Variants in TASP1 observed in about 807,000 individuals in gnomAD.
The protein encoded by TASP1 is taspase 1.
In TASP1, 16 loss-of-function variants were observed where a neutral mutation model predicts 56.6. That is an observed-to-expected ratio of 0.28 (90% CI 0.19 to 0.43). The LOEUF (loss-of-function observed/expected upper bound fraction) is 0.43. TASP1 is among the 20% of genes least tolerant of loss of function. TASP1 has a pLI of 1.00. For missense variants in TASP1, 393 were observed against 511.6 expected (o/e 0.77, Z 2.24); for synonymous variants, 179 against 184.2 (o/e 0.97, Z 0.23).
intron 1 of TASP1, among the ~76,000 whole-genome samples, chr20:13,633,721 C>T (rs2049184207): frequency 6.6e-6 from 1 of 151,648 alleles, no homozygotes; most frequent in South Asian, 2.1e-4. Flanking sequence ...TAAGTCAATA[C>T]ATAGATCCAC....
chr20:13,376,979 G>C, the TASP1 span, among the ~76,000 whole-genome samples: 1 of 152,300 alleles, frequency 6.6e-6, no homozygotes. Flanking sequence ...TTTGGGCTGA[G>C]ACAATGGGGT....
At chr20:13,204,528 C>CATATATATAAATATATAT in the TASP1 span, among the ~76,000 whole-genome samples, 1 of 145,286 alleles carries the variant, frequency 6.9e-6, no homozygotes, top group Admixed American at 6.9e-5. Flanking sequence ...TTTATATATT[C>CATATATATAAATATATAT]ATATATATAT....
At chr20:13,443,465 T>C (rs138038343) in intron 11 of TASP1, among the ~76,000 whole-genome samples, 1 of 152,174 alleles carries the variant, frequency 6.6e-6, no homozygotes, top group East Asian at 1.9e-4. Flanking sequence ...AGTGGATTAG[T>C]AAAGAAGTAA....
chr20:13,398,219 CA>C (rs2041615094), intron 13 of TASP1, among the ~76,000 whole-genome samples: 1 of 152,122 alleles, frequency 6.6e-6, no homozygotes, highest in Non-Finnish European at 1.5e-5. Context: ...AAACCACCAA[CA>C]ACTGATTTGA....
chr20:13,392,820 T>C (rs1257414021), intron 13 of TASP1: 1 of 644,638 alleles, frequency 1.6e-6, no homozygotes, highest in Non-Finnish European at 2.9e-6. Flanking sequence ...TGTTCCCATA[T>C]GATTCCACCC....
chr20:13,129,564 A>G, the TASP1 span, among the ~76,000 whole-genome samples: 1 of 152,232 alleles, frequency 6.6e-6, no homozygotes, highest in African/African-American at 2.4e-5. Flanking sequence ...ACTAGGAAAA[A>G]GTTATTCTAG....
chr20:13,479,082 G>A (rs1374774607), intron 11 of TASP1, among the ~76,000 whole-genome samples: 1 of 152,004 alleles, frequency 6.6e-6, no homozygotes, highest in Admixed American at 6.6e-5. Flanking sequence ...GAAAGAAAAG[G>A]GAGGATGGCA....
chr20:13,210,036 C>T, the TASP1 span, among the ~76,000 whole-genome samples: 2 of 152,324 alleles, frequency 1.3e-5, no homozygotes, highest in Admixed American at 6.5e-5. Context: ...ATGCCGAACT[C>T]TCATCACCTT....
At chr20:13,346,667 A>C in the TASP1 span, among the ~76,000 whole-genome samples, 1 of 152,230 alleles carries the variant, frequency 6.6e-6, no homozygotes. Flanking sequence ...ACTCAACATT[A>C]GTGCTGGAGG....
the TASP1 span, among the ~76,000 whole-genome samples, chr20:13,228,251 G>C: frequency 2.6e-5 from 4 of 151,944 alleles, no homozygotes. Context: ...GGGATTACAG[G>C]TGTGAGCCAC....
chr20:13,141,234 T>C, the TASP1 span, among the ~76,000 whole-genome samples: 1 of 152,356 alleles, frequency 6.6e-6, no homozygotes, highest in East Asian at 1.9e-4. Context: ...CAGTGCAAAC[T>C]GTTGGGAGCT....
chr20:13,597,652 A>G (rs1262382435), intron 4 of TASP1, among the ~76,000 whole-genome samples: 1 of 152,188 alleles, frequency 6.6e-6, no homozygotes, highest in African/African-American at 2.4e-5. Context: ...CAGCACTCCT[A>G]TTCAACATAG....
the TASP1 span, among the ~76,000 whole-genome samples, chr20:13,378,773 T>C: frequency 6.6e-6 from 1 of 152,214 alleles, no homozygotes; most frequent in Non-Finnish European, 1.5e-5. Flanking sequence ...TGTGTGCATA[T>C]ATATTTAGGA....
the TASP1 span, among the ~76,000 whole-genome samples, chr20:13,273,094 A>G: frequency 6.6e-6 from 1 of 152,142 alleles, no homozygotes; most frequent in Admixed American, 6.5e-5. Flanking sequence ...TTGGAAAGTT[A>G]TTGGCTGCTT....
chr20:13,214,815 C>T, the TASP1 span, among the ~76,000 whole-genome samples: 1 of 152,182 alleles, frequency 6.6e-6, no homozygotes, highest in South Asian at 2.1e-4. Context: ...TACAGATGTT[C>T]ATTCAATTAT....
the TASP1 span, among the ~76,000 whole-genome samples, chr20:13,371,630 G>A: frequency 6.6e-6 from 1 of 152,048 alleles, no homozygotes. Context: ...TTCTGTTATT[G>A]GGTACAGTGT....
At chr20:13,429,489 A>T (rs7346957) in intron 12 of TASP1, among the ~76,000 whole-genome samples, 11 of 150,272 alleles carry the variant, frequency 7.3e-5, no homozygotes, top group East Asian at 3.9e-4. Flanking sequence ...TTTTTTTTTT[A>T]AAAAGGACTA....
intron 10 of TASP1, among the ~76,000 whole-genome samples, chr20:13,500,441 G>A (rs181561527): frequency 4.0e-4 from 60 of 151,284 alleles, no homozygotes; most frequent in African/African-American, 1.4e-3. Flanking sequence ...TGGGAAACAA[G>A]AGAAGGAACA....
At chr20:13,229,843 T>C in the TASP1 span, among the ~76,000 whole-genome samples, 1 of 152,174 alleles carries the variant, frequency 6.6e-6, no homozygotes, top group Non-Finnish European at 1.5e-5. Context: ...CCTCTCTCTC[T>C]TCTGTTGGCC....
Sources: gnomAD v4.1 joint callset for allele counts (sites outside exome capture counted in the v4.1 genomes callset) on GRCh38, gnomAD v4.1.1 for gene constraint, MANE v1.5 for transcripts, NCBI Gene and HGNC (gene_info 2026-07-23, HGNC 2026-07-21) for gene names.